The following SP140L variants were observed in gnomAD, a reference collection of about 807,000 sequenced individuals.
SP140L encodes SP140 like nuclear body protein.
In SP140L, 64 loss-of-function variants were observed where a neutral mutation model predicts 84.3. That is an observed-to-expected ratio of 0.76 (90% CI 0.62 to 0.94). SP140L has a LOEUF of 0.94. Ranked by LOEUF, SP140L falls within the 40% of genes least tolerant of loss-of-function variation. The pLI is 0.00. For missense variants in SP140L, 628 were observed against 692.5 expected (o/e 0.91, Z 1.05); for synonymous variants, 242 against 236.9 (o/e 1.02, Z -0.20).
chr2:230,376,104 C>A (rs11688808), intron 7 of SP140L, among the ~76,000 whole-genome samples: 107,897 of 151,964 alleles, frequency 0.71, 38,879 homozygotes, highest in Middle Eastern at 0.76. Context: ...CCAAATATCT[C>A]ATTTCATTAT....
chr2:230,331,216 A>G (rs911281816), intron 2 of SP140L, among the ~76,000 whole-genome samples: 1 of 152,208 alleles, frequency 6.6e-6, no homozygotes, highest in Admixed American at 6.5e-5. Context: ...CCACATTTAC[A>G]TAACTTTTAT....
intron 7 of SP140L, among the ~76,000 whole-genome samples, chr2:230,381,749 C>G (rs1038449388): frequency 6.6e-6 from 1 of 151,396 alleles, no homozygotes; most frequent in Non-Finnish European, 1.5e-5. Flanking sequence ...CACACACACA[C>G]ACACACACAC....
At chr2:230,359,991 G>GGTGCTATACCAAACTAA (rs1274167276) in intron 4 of SP140L, among the ~76,000 whole-genome samples, 4 of 151,806 alleles carry the variant, frequency 2.6e-5, no homozygotes, top group East Asian at 1.9e-4. Flanking sequence ...CTAAAGTTTT[G>GGTGCTATACCAAACTAA]ATTCTTGACT....
chr2:230,381,118 T>C (rs1434093249), intron 7 of SP140L, among the ~76,000 whole-genome samples: 3 of 142,872 alleles, frequency 2.1e-5, no homozygotes, highest in Admixed American at 2.1e-4. Flanking sequence ...AATGCTTCAC[T>C]GAGGAAACCC....
At chr2:230,358,036 C>G (rs2060602820) in intron 3 of SP140L, 69 bp downstream of exon 3, 12 of 1,554,888 alleles carry the variant, frequency 7.7e-6, no homozygotes, top group South Asian at 5.7e-5. Context: ...TGTAAGTGCT[C>G]CTGTAAAGTA....
chr2:230,376,689 CA>C (rs1371822486), intron 7 of SP140L, among the ~76,000 whole-genome samples: 1 of 151,992 alleles, frequency 6.6e-6, no homozygotes, highest in Non-Finnish European at 1.5e-5. Flanking sequence ...ATCAAAATTT[CA>C]ATGACATTTT....
intron 5 of SP140L, among the ~76,000 whole-genome samples, chr2:230,364,215 A>G (rs751786669): frequency 7.2e-5 from 11 of 152,134 alleles, no homozygotes; most frequent in Admixed American, 2.0e-4. Flanking sequence ...TGGAACTTTT[A>G]TATGATTTGC....
chr2:230,339,355 T>C (rs1173156240), intron 2 of SP140L, among the ~76,000 whole-genome samples: 1 of 151,834 alleles, frequency 6.6e-6, no homozygotes, highest in Admixed American at 6.6e-5. Flanking sequence ...CCCTTTATCA[T>C]TTTTTATTGC....
intron 2 of SP140L, among the ~76,000 whole-genome samples, chr2:230,343,466 C>G (rs1324313925): frequency 6.8e-6 from 1 of 147,754 alleles, no homozygotes; most frequent in African/African-American, 2.5e-5. Context: ...ACCACATTTT[C>G]TTTATCCAGT....
At position 230,400,171 on chromosome 2, in the gene SP140L, G is replaced by A. The variant is rs758986565; in HGVS notation, c.1242G>A (p.Glu414=). 7 of 1,614,214 alleles carry A rather than the reference G, an allele frequency of 4.3e-6. No homozygotes were observed. Among genetic ancestry groups the A allele is most frequent in the Non-Finnish European group, 5.9e-6 (7 of 1,180,022 alleles). The change falls in exon 15 of 19, where the codon GAG becomes GAA. Residue 414 remains glutamate, a synonymous_variant. Coordinates refer to ENST00000415673, the MANE Select transcript of SP140L (RefSeq NM_138402.6). ...DECEVCRDGG[E]LFCCDTCSRV... ...GTGAGGTGTGCCGGGACGGAGGGGAGCTGTTCTGTTGCGACACTTGTTCAA... is the reference window on the plus strand; with the variant it reads ...GTGAGGTGTGCCGGGACGGAGGGGAACTGTTCTGTTGCGACACTTGTTCAA...
At chr2:230,380,172 C>G (rs954097592) in intron 7 of SP140L, among the ~76,000 whole-genome samples, 3 of 151,950 alleles carry the variant, frequency 2.0e-5, no homozygotes, top group African/African-American at 7.3e-5. Context: ...CAGGCAAAGA[C>G]AGAGTGAAAA....
At chr2:230,347,318 G>GT (rs2060238160) in intron 2 of SP140L, among the ~76,000 whole-genome samples, 1 of 152,192 alleles carries the variant, frequency 6.6e-6, no homozygotes. Flanking sequence ...TGCAGGCTGT[G>GT]TTTTGCAGTT....
At chr2:230,327,668 C>T (rs2059616960) in intron 1 of SP140L, among the ~76,000 whole-genome samples, 1 of 152,216 alleles carries the variant, frequency 6.6e-6, no homozygotes, top group Non-Finnish European at 1.5e-5. Flanking sequence ...AACATTTCCT[C>T]ATGATCTCCC....
intron 7 of SP140L, among the ~76,000 whole-genome samples, chr2:230,381,144 T>C (rs910404374): frequency 1.3e-5 from 2 of 152,068 alleles, no homozygotes; most frequent in Non-Finnish European, 1.5e-5. Context: ...GTTTGCTAGC[T>C]AGGCGACTGC....
intron 15 of SP140L, 43 bp downstream of exon 15, chr2:230,400,285 C>A (rs2149834368): frequency 2.5e-6 from 4 of 1,584,828 alleles, no homozygotes; most frequent in Middle Eastern, 1.7e-4. Context: ...TTTAAGGGAC[C>A]TTCCACCTGC....
chr2:230,394,722 A>G (rs898300902), intron 13 of SP140L, among the ~76,000 whole-genome samples: 1 of 152,206 alleles, frequency 6.6e-6, no homozygotes, highest in Non-Finnish European at 1.5e-5. Flanking sequence ...CCTCATGGGG[A>G]GAACAGAGGT....
chr2:230,355,272 G>T (rs2060508138), intron 2 of SP140L, among the ~76,000 whole-genome samples: 6 of 152,088 alleles, frequency 3.9e-5, no homozygotes, highest in Admixed American at 3.9e-4. Flanking sequence ...TAAATACATG[G>T]TTAATAGTTT....
intron 2 of SP140L, among the ~76,000 whole-genome samples, chr2:230,354,855 A>AAGAAAGAAAGAAAG (rs2060477226): frequency 1.1e-5 from 1 of 93,188 alleles, no homozygotes; most frequent in South Asian, 4.0e-4. Context: ...AAAGGAAAGA[A>AAGAAAGAAAGAAAG]AGAAAGAAAG....
At chr2:230,360,847 T>G (rs1286462316) in intron 4 of SP140L, among the ~76,000 whole-genome samples, 1 of 152,210 alleles carries the variant, frequency 6.6e-6, no homozygotes, top group Non-Finnish European at 1.5e-5. Context: ...CTGTTATGTT[T>G]ATCTGGGAAC....
Sources: gnomAD v4.1 joint callset for allele counts (sites outside exome capture counted in the v4.1 genomes callset) on GRCh38, gnomAD v4.1.1 for gene constraint, MANE v1.5 for transcripts, NCBI Gene and HGNC (gene_info 2026-07-23, HGNC 2026-07-21) for gene names.